Variants in NRG1 observed in about 807,000 individuals in gnomAD.
The protein encoded by NRG1 is neuregulin 1, also known as pro-neuregulin-1, membrane-bound isoform.
A neutral mutation model predicts 63.8 loss-of-function variants in NRG1; 18 were observed. The observed-to-expected ratio is 0.28, with a 90% CI of 0.19 to 0.42. The LOEUF is 0.42. NRG1 is among the 10% of genes least tolerant of loss of function. NRG1 has a pLI of 1.00. For missense variants in NRG1, 762 were observed against 814.7 expected, an observed-to-expected ratio of 0.94 and a Z score of 0.79; for synonymous variants, 302 against 301.3, an observed-to-expected ratio of 1.00 and a Z score of -0.02.
At chr8:32,261,602 G>A (rs575331665) in intron 1 of NRG1, among the ~76,000 whole-genome samples, 1 of 152,154 alleles carries the variant, frequency 6.6e-6, no homozygotes, top group African/African-American at 2.4e-5. Context: ...ACACATGCTT[G>A]TTCCCCACCC....
At chr8:31,755,118 C>T (rs906388349) in intron 1 of NRG1, among the ~76,000 whole-genome samples, 4 of 152,116 alleles carry the variant, frequency 2.6e-5, no homozygotes, top group African/African-American at 9.7e-5. Flanking sequence ...CAGGCCTGCA[C>T]TGCTCTGGGC....
At chr8:31,903,967 TTCTC>T (rs1832313858) in intron 1 of NRG1, among the ~76,000 whole-genome samples, 1 of 151,952 alleles carries the variant, frequency 6.6e-6, no homozygotes, top group Non-Finnish European at 1.5e-5. Context: ...AAAAAAAAAT[TTCTC>T]TCTAATATAC....
intron 1 of NRG1, among the ~76,000 whole-genome samples, chr8:32,471,316 T>A (rs920644020): frequency 1.3e-5 from 2 of 152,218 alleles, no homozygotes; most frequent in Admixed American, 1.3e-4. Flanking sequence ...CTGCTCCTTT[T>A]ATGTCAGAAA....
chr8:31,894,070 T>C (rs1343810158), intron 1 of NRG1, among the ~76,000 whole-genome samples: 1 of 152,054 alleles, frequency 6.6e-6, no homozygotes, highest in Non-Finnish European at 1.5e-5. Context: ...AGACAATATT[T>C]AAAATTTTAA....
intron 5 of NRG1, among the ~76,000 whole-genome samples, chr8:32,644,122 A>G (rs1465330729): frequency 1.3e-5 from 2 of 152,218 alleles, no homozygotes; most frequent in Non-Finnish European, 2.9e-5. Context: ...ATTAGTGAAG[A>G]TCAGAAATAA....
intron 1 of NRG1, among the ~76,000 whole-genome samples, chr8:32,166,652 G>A (rs1415904514): frequency 6.6e-6 from 1 of 152,192 alleles, no homozygotes; most frequent in Non-Finnish European, 1.5e-5. Context: ...GACCTCCCCT[G>A]ATGGTAACAG....
intron 5 of NRG1, among the ~76,000 whole-genome samples, chr8:32,691,777 A>AT (rs1184400622): frequency 2.6e-5 from 4 of 152,102 alleles, no homozygotes; most frequent in South Asian, 2.1e-4. Flanking sequence ...AAATTTGTAT[A>AT]TTTTTTTCCT....
chr8:32,480,159 C>A (rs1825069320), intron 1 of NRG1, among the ~76,000 whole-genome samples: 1 of 152,056 alleles, frequency 6.6e-6, no homozygotes, highest in Non-Finnish European at 1.5e-5. Flanking sequence ...TACTGAGAAG[C>A]AGAGCACGTG....
chr8:32,138,344 G>A (rs1835814185), intron 1 of NRG1, among the ~76,000 whole-genome samples: 1 of 151,926 alleles, frequency 6.6e-6, no homozygotes, highest in Admixed American at 6.6e-5. Context: ...AACATCTAAA[G>A]CTCAGCATGG....
At chr8:32,051,976 T>C (rs1034726258) in intron 1 of NRG1, among the ~76,000 whole-genome samples, 42 of 152,162 alleles carry the variant, frequency 2.8e-4, no homozygotes, top group African/African-American at 9.9e-4. Flanking sequence ...GCACTGGACT[T>C]GGTAACTTAG....
At chr8:32,396,118 A>G (rs1434250867) in intron 1 of NRG1, among the ~76,000 whole-genome samples, 5 of 152,210 alleles carry the variant, frequency 3.3e-5, no homozygotes, top group African/African-American at 2.4e-5. Context: ...CGCTGTCATC[A>G]TGACTTTAGC....
At chr8:32,000,249 T>C (rs1312191001) in intron 1 of NRG1, among the ~76,000 whole-genome samples, 1 of 152,044 alleles carries the variant, frequency 6.6e-6, no homozygotes, top group Non-Finnish European at 1.5e-5. Flanking sequence ...TTACAGTAAC[T>C]GAACTGTGGG....
intron 1 of NRG1, among the ~76,000 whole-genome samples, chr8:32,014,233 C>T (rs1586478482): frequency 6.6e-6 from 1 of 152,102 alleles, no homozygotes; most frequent in South Asian, 2.1e-4. Flanking sequence ...TTTCCTTGAG[C>T]AGTGGTTTGT....
At chr8:31,689,678 A>G (rs1809290959) in intron 1 of NRG1, among the ~76,000 whole-genome samples, 1 of 152,174 alleles carries the variant, frequency 6.6e-6, no homozygotes, top group Non-Finnish European at 1.5e-5. Flanking sequence ...TTAACTTACC[A>G]ACCTATTCAA....
At chr8:32,273,186 T>G (rs1851726595) in intron 1 of NRG1, among the ~76,000 whole-genome samples, 1 of 152,202 alleles carries the variant, frequency 6.6e-6, no homozygotes, top group African/African-American at 2.4e-5. Context: ...ATGAGTTGCA[T>G]ATGTGCTTTG....
chr8:31,671,734 A>G (rs954099830), intron 1 of NRG1, among the ~76,000 whole-genome samples: 5 of 152,176 alleles, frequency 3.3e-5, no homozygotes, highest in African/African-American at 4.8e-5. Flanking sequence ...TTCGTGGGAC[A>G]TAAGTAAGAT....
intron 1 of NRG1, among the ~76,000 whole-genome samples, chr8:32,154,561 C>G (rs536127884): frequency 6.6e-6 from 1 of 152,018 alleles, no homozygotes; most frequent in South Asian, 2.1e-4. Flanking sequence ...CCTTCCTCTG[C>G]AAGGCCTTCT....
chr8:32,599,398 T>C (rs1427189481), intron 2 of NRG1, among the ~76,000 whole-genome samples: 1 of 152,200 alleles, frequency 6.6e-6, no homozygotes, highest in Non-Finnish European at 1.5e-5. Context: ...AGATTATGCA[T>C]AGCAGCCAAC....
chr8:32,698,403 C>T (rs1305809578), intron 5 of NRG1, among the ~76,000 whole-genome samples: 5 of 152,130 alleles, frequency 3.3e-5, no homozygotes, highest in African/African-American at 1.2e-4. Context: ...GAGAGTCATG[C>T]AGGCAGACAG....
Sources: allele counts gnomAD v4.1 joint callset (sites outside exome capture counted in the v4.1 genomes callset), GRCh38; gene constraint gnomAD v4.1.1; transcripts MANE v1.5; gene names NCBI Gene and HGNC (gene_info 2026-07-23, HGNC 2026-07-21).